The following OPCML variants were observed in gnomAD, a reference collection of about 807,000 sequenced individuals.
OPCML encodes the protein opioid-binding protein/cell adhesion molecule.
OPCML carries 13 observed loss-of-function variants against 37.8 expected under a neutral mutation model. That is an observed-to-expected ratio of 0.34 (90% CI 0.22 to 0.55). OPCML has a LOEUF of 0.55. Among genes scored for constraint, OPCML ranks in the 20% least tolerant of loss-of-function variants. The pLI, the probability that OPCML is intolerant of heterozygous loss-of-function variation, is 0.91. For missense variants in OPCML, 341 were observed against 435.6 expected, an observed-to-expected ratio of 0.78 and a Z score of 1.93; for synonymous variants, 176 against 168.8, an observed-to-expected ratio of 1.04 and a Z score of -0.33.
chr11:133,293,853 G>A (rs1396191332), intron 1 of OPCML, among the ~76,000 whole-genome samples: 3 of 147,512 alleles, frequency 2.0e-5, no homozygotes, highest in African/African-American at 7.5e-5. Flanking sequence ...CTCTCTTTGA[G>A]CATATTACCC....
Position 133,208,426 on chromosome 11 carries a change from C to T in OPCML, c.62-265416G>A, listed in dbSNP as rs866696750. On this transcript the variant is annotated intron_variant, in intron 1 of 7. Transcript: ENST00000524381. The surrounding 1 kb of genome is among the most constrained non-coding windows in gnomAD (Gnocchi z 8.9). ...AACTCTCTGGAGTTTACTCTGGGCGCAGGATGTGGTGCAGAGTAAATCATT... is the reference window on the plus strand; with the variant it reads ...AACTCTCTGGAGTTTACTCTGGGCGTAGGATGTGGTGCAGAGTAAATCATT... Among the ~76,000 whole-genome samples the T allele has an allele frequency of 2.6e-5, 4 of 152,232 alleles. No homozygotes were observed. The highest frequency in any genetic ancestry group is 3.4e-3 in the Middle Eastern group (1 of 294).
chr11:133,091,830 G>A (rs549209094), intron 1 of OPCML, among the ~76,000 whole-genome samples: 13 of 152,228 alleles, frequency 8.5e-5, no homozygotes, highest in African/African-American at 2.9e-4. Flanking sequence ...TGAGACTTTA[G>A]ATTTTAGAAT....
At chr11:132,424,569 T>C (rs2095971709) in intron 7 of OPCML, among the ~76,000 whole-genome samples, 1 of 152,182 alleles carries the variant, frequency 6.6e-6, no homozygotes, top group African/African-American at 2.4e-5. Context: ...CAGGAAATGC[T>C]CTCTACGCTC....
intron 1 of OPCML, among the ~76,000 whole-genome samples, chr11:133,310,713 T>A (rs192531034): frequency 3.7e-4 from 56 of 152,234 alleles, no homozygotes; most frequent in African/African-American, 1.3e-3. Flanking sequence ...AGGGTTCAGG[T>A]GGAATGAGTC....
chr11:132,659,404 C>T (rs1049575264), intron 2 of OPCML, among the ~76,000 whole-genome samples: 1 of 152,052 alleles, frequency 6.6e-6, no homozygotes, highest in Non-Finnish European at 1.5e-5. Flanking sequence ...TTGAAGAGCT[C>T]CTCCTAAAGA....
intron 1 of OPCML, among the ~76,000 whole-genome samples, chr11:133,493,886 C>T (rs1947721586): frequency 6.6e-6 from 1 of 152,072 alleles, no homozygotes; most frequent in Non-Finnish European, 1.5e-5. Context: ...TAAAGAGCTT[C>T]TGCACAGCGA....
chr11:133,235,508 A>G (rs1003453174), intron 1 of OPCML, among the ~76,000 whole-genome samples: 4 of 152,238 alleles, frequency 2.6e-5, no homozygotes, highest in Admixed American at 1.3e-4. Context: ...AAACATATTC[A>G]ACTCAAACAA....
At chr11:133,163,006 C>T (rs1168397938) in intron 1 of OPCML, among the ~76,000 whole-genome samples, 3 of 152,206 alleles carry the variant, frequency 2.0e-5, no homozygotes, top group South Asian at 2.1e-4. Flanking sequence ...TCCTAAGGCA[C>T]GACGTCATTA....
Position 133,112,572 on chromosome 11 carries a change from T to C in OPCML, c.62-169562A>G, listed in dbSNP as rs369655573. The stretch of plus-strand genomic sequence containing the variant: ...TCAGATGTTTTCTTAAAATATAAGA[T>C]TGGATTTGTATAAATAAAAGGTGTC... On this transcript the variant is annotated intron_variant, in intron 1 of 7. Coordinates refer to ENST00000524381, the MANE Select transcript of OPCML (RefSeq NM_001012393.5). Among the ~76,000 whole-genome samples the C allele has an allele frequency of 5.9e-4, 90 of 152,208 alleles. 1 individual carries two copies. In the South Asian group the frequency reaches 0.018, roughly 30 times the overall value.
chr11:132,662,252 G>T lies in OPCML; in HGVS notation c.147-4933C>A, dbSNP rs187559275. On this transcript the variant is annotated intron_variant, in intron 2 of 7. Transcript: ENST00000524381. The stretch of plus-strand genomic sequence containing the variant: ...TTTCAACAAGTTCCCGGATACTGCG[G>T]CTCTGGGGACTCCTCCTGGAGAACC... 5.3e-5 allele frequency among the ~76,000 whole-genome samples: 8 copies of T among 152,306 alleles called. No homozygotes were observed. In the East Asian group the frequency reaches 1.5e-3, roughly 29 times the overall value.
At chr11:132,679,395 A>AAAT (rs2135846000) in intron 2 of OPCML, among the ~76,000 whole-genome samples, 1 of 152,384 alleles carries the variant, frequency 6.6e-6, no homozygotes, top group South Asian at 2.1e-4. Context: ...CCACATGGTG[A>AAAT]AATATATTCA....
In OPCML at chr11:132,910,582, C is replaced by T. The variant is rs186634008; in HGVS notation, c.146+32344G>A. Among the ~76,000 whole-genome samples the T allele has an allele frequency of 1.8e-3, 278 of 152,334 alleles. 5 individuals carry two copies. The highest frequency in any genetic ancestry group is 3.5e-4 in the Non-Finnish European group (24 of 68,032). On this transcript the variant is annotated intron_variant, in intron 2 of 7. Transcript: ENST00000524381. ...TTCCTATCTGAATCCTTCTCTCACT[C>T]TCCTCAAGCATGTCTAGAGGGCAGT...
At chr11:133,467,420 A>G (rs1947001597) in intron 1 of OPCML, among the ~76,000 whole-genome samples, 1 of 152,232 alleles carries the variant, frequency 6.6e-6, no homozygotes, top group African/African-American at 2.4e-5. Flanking sequence ...AAAGTCCTCA[A>G]GCAAGTCAAA....
At chr11:132,638,746 C>T (rs903336700) in intron 3 of OPCML, among the ~76,000 whole-genome samples, 10 of 152,136 alleles carry the variant, frequency 6.6e-5, no homozygotes, top group Non-Finnish European at 1.0e-4. Context: ...GACTGTTTTC[C>T]ATACCCCTAT....
intron 2 of OPCML, among the ~76,000 whole-genome samples, chr11:132,897,625 C>T (rs1330450876): frequency 6.6e-6 from 1 of 152,162 alleles, no homozygotes; most frequent in Non-Finnish European, 1.5e-5. Context: ...TACAGAGGCA[C>T]CAGCTAAAAG....
At chr11:133,387,967 C>T (rs897554368) in intron 1 of OPCML, among the ~76,000 whole-genome samples, 1 of 152,098 alleles carries the variant, frequency 6.6e-6, no homozygotes, top group African/African-American at 2.4e-5. Flanking sequence ...GACACTTAGG[C>T]AGGAACCAGC....
intron 4 of OPCML, among the ~76,000 whole-genome samples, chr11:132,475,496 G>C (rs1438962443): frequency 6.6e-6 from 1 of 152,090 alleles, no homozygotes; most frequent in African/African-American, 2.4e-5. Flanking sequence ...ATTAGGGTGG[G>C]CCAAATCCAA....
chr11:132,553,498 G>A (rs1360035049), intron 3 of OPCML, among the ~76,000 whole-genome samples: 1 of 152,122 alleles, frequency 6.6e-6, no homozygotes, highest in African/African-American at 2.4e-5. Context: ...AAAGAGCTTG[G>A]AACTGCTGGG....
intron 2 of OPCML, among the ~76,000 whole-genome samples, chr11:132,784,217 C>T (rs1329447289): frequency 6.6e-6 from 1 of 152,184 alleles, no homozygotes; most frequent in African/African-American, 2.4e-5. Context: ...ACTGACAACA[C>T]TAAACCTTGT....
Sources: gnomAD v4.1 joint callset for allele counts (sites outside exome capture counted in the v4.1 genomes callset) on GRCh38, gnomAD v4.1.1 for gene constraint, Gnocchi (gnomAD v3.1) non-coding constraint, MANE v1.5 for transcripts, NCBI Gene and HGNC (gene_info 2026-07-23, HGNC 2026-07-21) for gene names.